Variants in MYOM2 observed in about 807,000 individuals in gnomAD.
The protein encoded by MYOM2 is myomesin-2.
Under a neutral mutation model 187.6 loss-of-function variants are expected in MYOM2, and 254 were observed. That is an observed-to-expected ratio of 1.35 (90% CI 1.22 to 1.50). The LOEUF is 1.50. Ranked by LOEUF, MYOM2 falls within the 40% of genes most tolerant of loss-of-function variation. The probability of loss-of-function intolerance (pLI) is 0.00; values close to 1 mark genes in which losing one functional copy is unlikely to be tolerated. For synonymous variants in MYOM2, 981 were observed against 753.8 expected (o/e 1.30, Z -4.94); for missense variants, 2,796 against 1,924.0 (o/e 1.45, Z -8.48).
chr8:2,144,579 G>T (rs1328098347), intron 36 of MYOM2, 85 bp from the exon 37 acceptor site: 1 of 1,339,950 alleles, frequency 7.5e-7, no homozygotes, highest in East Asian at 2.3e-5. Flanking sequence ...GTAACTGAGT[G>T]TGACCTGGAG....
chr8:2,050,236 C>T (rs1224594344), intron 1 of MYOM2, among the ~76,000 whole-genome samples: 1 of 152,174 alleles, frequency 6.6e-6, no homozygotes, highest in Non-Finnish European at 1.5e-5. Context: ...TTTCCCACCT[C>T]CGCCTGGCAG....
At chr8:2,046,758 T>C (rs1209260438) in intron 1 of MYOM2, among the ~76,000 whole-genome samples, 1 of 145,374 alleles carries the variant, frequency 6.9e-6, no homozygotes, top group Non-Finnish European at 1.5e-5. Context: ...TTTCTTTTTT[T>C]TTTTTTTGGT....
At chr8:2,094,828 T>C (rs1796425169) in intron 17 of MYOM2, among the ~76,000 whole-genome samples, 1 of 152,202 alleles carries the variant, frequency 6.6e-6, no homozygotes, top group South Asian at 2.1e-4. Context: ...TTAACAGTTT[T>C]TATTATTTTG....
In MYOM2 at chr8:2,079,610, G is replaced by C. The variant is rs1439827425; in HGVS notation, c.1513G>C (p.Glu505Gln). The change falls in exon 13 of 37, where the codon GAA becomes CAA. Residue 505 changes from glutamate to glutamine, a missense_variant. Physicochemically the swap from Glu to Gln is conservative, Grantham distance 29 (BLOSUM62 2). Coordinates refer to ENST00000262113, the MANE Select transcript of MYOM2 (RefSeq NM_003970.4). ...GATTGCCATTTATCAGGATGACCTT[G>C]AAGGTAAGTAGCACCTCATCACCCC... ...KEIAIYQDDL[E>Q]GDAQVPGPPT... 6.2e-7 allele frequency: 1 copy of C among 1,614,138 alleles called. No individual in the cohort carries two copies. The highest frequency in any genetic ancestry group is 8.5e-7 in the Non-Finnish European group (1 of 1,179,998).
At position 2,096,244 on chromosome 8, in the gene MYOM2, C is replaced by T. The variant is rs367867655; in HGVS notation, c.2126-3C>T. On this transcript the variant is annotated splice_region_variant and splice_polypyrimidine_tract_variant and intron_variant, in intron 17 of 36. Transcript: ENST00000262113. ...GTAACTCCCTGGTTGTGCTTCCTTG[C>T]AGCCGTCCCGTCCCATCCTTATGGG... 2.7e-5 allele frequency: 43 copies of T among 1,610,902 alleles called. No homozygotes were observed. The highest frequency in any genetic ancestry group is 1.7e-4 in the South Asian group (15 of 90,764).
At chr8:2,051,118 C>G (rs930227683) in intron 2 of MYOM2, among the ~76,000 whole-genome samples, 3 of 152,120 alleles carry the variant, frequency 2.0e-5, no homozygotes, top group Admixed American at 6.5e-5. Context: ...GCAGGAAGTC[C>G]TTTGTATGAG....
chr8:2,073,538 T>G, intron 10 of MYOM2, 38 bp downstream of exon 10: 2 of 1,550,906 alleles, frequency 1.3e-6, no homozygotes, highest in African/African-American at 1.4e-5. Context: ...AGACCTTGTG[T>G]GTGCCCGGGG....
At chr8:2,085,423 A>G (rs1433435663) in intron 14 of MYOM2, 33 bp downstream of exon 14, 1 of 1,608,376 alleles carries the variant, frequency 6.2e-7, no homozygotes, top group Non-Finnish European at 8.5e-7. Context: ...GGAAAAGTAG[A>G]TCTCTGCATG....
chr8:2,145,014 T>C lies in MYOM2; in HGVS notation c.*33T>C, dbSNP rs747818579. 23 of 1,607,930 alleles carry C rather than the reference T, an allele frequency of 1.4e-5. No individual in the cohort carries two copies. In the East Asian group the frequency reaches 3.8e-4, roughly 27 times the overall value. The stretch of plus-strand genomic sequence containing the variant: ...TTCCTAGCCTGGAGATGGGAAAATA[T>C]GCTTGGCAGAGACAGGAATGCTGTG... On this transcript the variant is annotated 3_prime_UTR_variant, in exon 37 of 37. Transcript: ENST00000262113.
intron 1 of MYOM2, among the ~76,000 whole-genome samples, chr8:2,050,364 TC>T (rs1563410723): frequency 1.3e-5 from 2 of 152,242 alleles, no homozygotes; most frequent in African/African-American, 4.8e-5. Flanking sequence ...TTGGCTCTTA[TC>T]GTATGTTCTC....
intron 31 of MYOM2, chr8:2,127,895 C>G (rs1041357954): frequency 3.1e-4 from 47 of 152,792 alleles, no homozygotes; most frequent in African/African-American, 1.1e-3. Context: ...GGTGCTCTTT[C>G]TTTCCTCATG....
intron 21 of MYOM2, among the ~76,000 whole-genome samples, chr8:2,103,986 A>G (rs1192421092): frequency 6.6e-6 from 1 of 152,180 alleles, no homozygotes; most frequent in Non-Finnish European, 1.5e-5. Context: ...CAAATGAAGT[A>G]TGCAATTAAA....
chr8:2,105,808 T>C (rs1435489081), intron 21 of MYOM2, among the ~76,000 whole-genome samples: 1 of 152,244 alleles, frequency 6.6e-6, no homozygotes, highest in Admixed American at 6.5e-5. Context: ...AGATGAGGTC[T>C]CTGCATTGGG....
At chr8:2,133,418 G>T (rs961297983) in intron 32 of MYOM2, among the ~76,000 whole-genome samples, 1 of 152,152 alleles carries the variant, frequency 6.6e-6, no homozygotes, top group Non-Finnish European at 1.5e-5. Flanking sequence ...TGGACTTGAC[G>T]GAACCACTGC....
At chr8:2,081,879 G>A (rs957042431) in intron 13 of MYOM2, 8 of 152,266 alleles carry the variant, frequency 5.3e-5, no homozygotes, top group Non-Finnish European at 8.8e-5. Context: ...TAAAGACACA[G>A]ATGCTCTTTT....
chr8:2,109,345 C>T (rs201654141), intron 24 of MYOM2, 50 bp from the exon 25 acceptor site: 14 of 1,530,542 alleles, frequency 9.1e-6, no homozygotes, highest in South Asian at 7.6e-5. Flanking sequence ...GGTATTCTTC[C>T]TCACAAGGAT....
Position 2,129,204 on chromosome 8 carries a change from G to A in MYOM2, c.3772G>A (p.Asp1258Asn). ...TCAGTGTTTCATGAAGTATTTTACA[G>A]ACGAAATGAAAGTGAACTGGTGTCA... ...RLQCFMKYFTDEMKVNWCHKD... is the reference protein window; with the variant it reads ...RLQCFMKYFTNEMKVNWCHKD... Residue 1258 changes from aspartate (D) to asparagine (N), a missense_variant, in exon 32 of 37, where the codon GAC becomes AAC. By Grantham distance (23) the Asp-to-Asn change is conservative. Transcript: ENST00000262113. 1 of 1,611,008 alleles carries A rather than the reference G, an allele frequency of 6.2e-7. No homozygotes were observed. The highest frequency in any genetic ancestry group is 8.5e-7 in the Non-Finnish European group (1 of 1,177,300).
At chr8:2,129,061 A>G in intron 31 of MYOM2, 66 bp from the exon 32 acceptor site, 2 of 1,241,136 alleles carry the variant, frequency 1.6e-6, no homozygotes. Flanking sequence ...TGCCGCCGCG[A>G]TGCTTTCTGT....
chr8:2,131,348 C>T (rs902386045), intron 32 of MYOM2, among the ~76,000 whole-genome samples: 8 of 152,088 alleles, frequency 5.3e-5, no homozygotes, highest in South Asian at 2.1e-4. Context: ...TTGTCAGTCA[C>T]GCCCCTACTA....
Sources: allele counts gnomAD v4.1 joint callset (sites outside exome capture counted in the v4.1 genomes callset), GRCh38; gene constraint gnomAD v4.1.1; transcripts MANE v1.5; gene names NCBI Gene and HGNC (gene_info 2026-07-23, HGNC 2026-07-21).